The following PGM2L1 variants were observed in gnomAD, a reference collection of about 807,000 sequenced individuals.
PGM2L1 encodes phosphoglucomutase 2 like 1.
Under a neutral mutation model 73.4 loss-of-function variants are expected in PGM2L1, and 35 were observed. The observed-to-expected ratio is 0.48, with a 90% CI of 0.36 to 0.63. The LOEUF is 0.63. Ranked by LOEUF, PGM2L1 falls within the 30% of genes least tolerant of loss-of-function variation. PGM2L1 has a pLI of 0.00. For missense variants in PGM2L1, 570 were observed against 742.0 expected, an observed-to-expected ratio of 0.77 and a Z score of 2.69; for synonymous variants, 225 against 253.8, an observed-to-expected ratio of 0.89 and a Z score of 1.08.
rs1476210356 is a variant in PGM2L1 at position 74,332,473 on chromosome 11, A to AT, written c.*4178dup. ...TGTAGTTTATGACTAAGCTTAAAGC[A>AT]TTCTGAATGAATACAGTTGAGATTT... On this transcript the variant is annotated 3_prime_UTR_variant, in exon 14 of 14. Transcript: ENST00000298198. The AT allele has an allele frequency of 6.5e-6, 1 of 152,674 alleles. No homozygotes were observed. The highest frequency in any genetic ancestry group is 2.4e-5 in the African/African-American group (1 of 41,474). 9.5% of individuals were successfully genotyped at this position (152,674 alleles called of 1,614,324 possible). A position where few individuals can be genotyped will look rare whatever the true frequency, so the allele number is the denominator to read the frequency against.
intron 5 of PGM2L1, among the ~76,000 whole-genome samples, chr11:74,367,012 G>C (rs1031593641): frequency 7.3e-4 from 111 of 152,280 alleles, no homozygotes; most frequent in African/African-American, 2.5e-3. Context: ...GATTGGTAGA[G>C]GATATGGGCA....
At chr11:74,396,086 T>TA (rs560577211) in intron 1 of PGM2L1, among the ~76,000 whole-genome samples, 1,978 of 146,226 alleles carry the variant, frequency 0.014, 27 homozygotes, top group Middle Eastern at 0.036. Flanking sequence ...ACCCCATTTC[T>TA]AAAAAAAAAA....
chr11:74,361,286 AG>A, intron 5 of PGM2L1, among the ~76,000 whole-genome samples: 1 of 152,328 alleles, frequency 6.6e-6, no homozygotes, highest in African/African-American at 2.4e-5. Context: ...CCAGGCAAAC[AG>A]GGTCTGGAGT....
chr11:74,350,002 G>A (rs571684041), intron 6 of PGM2L1, among the ~76,000 whole-genome samples: 1 of 152,122 alleles, frequency 6.6e-6, no homozygotes, highest in African/African-American at 2.4e-5. Flanking sequence ...ATTCTTCTCT[G>A]TGTAATTATG....
chr11:74,398,331 G>A lies in PGM2L1; in HGVS notation c.-170C>T. ...TCCTGCCGCGGCGTCAGGGAACCGG[G>A]AGAGAGGGGGTTTATGGCCGCCTGC... On this transcript the variant is annotated 5_prime_UTR_variant, in exon 1 of 14. Transcript: ENST00000298198. 1 of 1,084,244 alleles carries A rather than the reference G, an allele frequency of 9.2e-7. No individual in the cohort carries two copies. Among genetic ancestry groups the A allele is most frequent in the Admixed American group, 3.4e-5 (1 of 29,348 alleles). 67.2% of individuals were successfully genotyped at this position (1,084,244 alleles called of 1,614,324 possible).
chr11:74,365,834 C>T (rs1274409609), intron 5 of PGM2L1, among the ~76,000 whole-genome samples: 1 of 152,162 alleles, frequency 6.6e-6, no homozygotes, highest in African/African-American at 2.4e-5. Context: ...ACTAGAAATA[C>T]CATTTGACCC....
In PGM2L1 at chr11:74,336,558, TAG is replaced by T; in HGVS notation, c.*92_*93del. ...GAAAAAGATACTCGGCCAGATGAGA[TAG>T]AGAGAGAATGCTAACACAAGGTTCA... On this transcript the variant is annotated 3_prime_UTR_variant, in exon 14 of 14. Coordinates refer to ENST00000298198, the MANE Select transcript of PGM2L1 (RefSeq NM_173582.6). The T allele has an allele frequency of 1.4e-6, 1 of 711,328 alleles. No individual in the cohort carries two copies. The highest frequency in any genetic ancestry group is 2.2e-6 in the Non-Finnish European group (1 of 452,334). The allele number at this position is 711,328 out of a possible 1,614,324, so 44.1% of individuals were successfully genotyped here. A position where few individuals can be genotyped will look rare whatever the true frequency, so the allele number is the denominator to read the frequency against.
chr11:74,360,272 A>AGAAGGAAG (rs57064480), intron 5 of PGM2L1, among the ~76,000 whole-genome samples: 2 of 143,588 alleles, frequency 1.4e-5, no homozygotes, highest in Non-Finnish European at 1.5e-5. Flanking sequence ...AAAGAGAAAG[A>AGAAGGAAG]GAAGGAAGGA....
chr11:74,389,945 T>TA (rs1322991811), intron 1 of PGM2L1, among the ~76,000 whole-genome samples: 1 of 1,606 alleles, frequency 6.2e-4, no homozygotes, highest in African/African-American at 4.0e-3. Flanking sequence ...CTACTAAAAA[T>TA]ACAAAAAAAA....
At chr11:74,354,555 A>G in intron 5 of PGM2L1, 1 of 1,160,038 alleles carries the variant, frequency 8.6e-7, no homozygotes, top group South Asian at 1.2e-5. Context: ...GAGCAATGGG[A>G]ATGCTCACGA....
At chr11:74,368,306 T>C (rs1402384495) in intron 5 of PGM2L1, among the ~76,000 whole-genome samples, 186 bp downstream of exon 5, 1 of 152,246 alleles carries the variant, frequency 6.6e-6, no homozygotes, top group Non-Finnish European at 1.5e-5. Context: ...TTTGTAATTG[T>C]ACACATTGAG....
At chr11:74,362,401 C>T (rs186599179) in intron 5 of PGM2L1, among the ~76,000 whole-genome samples, 2 of 152,266 alleles carry the variant, frequency 1.3e-5, no homozygotes, top group African/African-American at 4.8e-5. Context: ...AAGCACTAAA[C>T]ATGGAAAGGA....
rs1035576682 is a variant in PGM2L1, at chr11:74,343,104, T to G, written c.1313-90A>C. 4.5e-5 allele frequency: 66 copies of G among 1,461,180 alleles called. No individual in the cohort carries two copies. The African/African-American group carries it at 9.0e-4, about 20-fold the overall frequency. 90.5% of individuals were successfully genotyped at this position (1,461,180 alleles called of 1,614,324 possible). On this transcript the variant is annotated intron_variant, in intron 10 of 13. Coordinates refer to ENST00000298198, the MANE Select transcript of PGM2L1 (RefSeq NM_173582.6). ...ATTTCTTCAGAAGGACCAGGAAATT[T>G]AAAAGCCTAGTAATAGATGAAACTC...
chr11:74,360,091 T>C (rs747303276), intron 5 of PGM2L1, among the ~76,000 whole-genome samples: 7 of 151,868 alleles, frequency 4.6e-5, no homozygotes, highest in Admixed American at 6.6e-5. Flanking sequence ...TATAAAAAAA[T>C]TAGCTGGGTA....
Position 74,351,547 on chromosome 11 carries a change from T to TAAAGTG in PGM2L1, c.584_585insCACTTT (p.Thr195_Ser196insThrLeu). 1.9e-6 allele frequency: 3 copies of TAAAGTG among 1,611,226 alleles called. No homozygotes were observed. Among genetic ancestry groups the TAAAGTG allele is most frequent in the Non-Finnish European group, 2.5e-6 (3 of 1,179,092 alleles). On this transcript the variant is annotated inframe_insertion, in exon 6 of 14. Coordinates refer to ENST00000298198, the MANE Select transcript of PGM2L1 (RefSeq NM_173582.6). ...TTAGAATTTCTTTATCATGAGGAGA[T>TAAAGTG]GTGATCTGAGCACCAGTTTCCCAGT... is the stretch of plus-strand genomic sequence containing the variant.
At chr11:74,358,271 TG>T (rs1035641209) in intron 5 of PGM2L1, among the ~76,000 whole-genome samples, 1 of 152,168 alleles carries the variant, frequency 6.6e-6, no homozygotes, top group African/African-American at 2.4e-5. Flanking sequence ...GGGAAATCTC[TG>T]AACCCTCCAC....
At chr11:74,355,575 AAAAAT>A in intron 5 of PGM2L1, 3 of 235,238 alleles carry the variant, frequency 1.3e-5, no homozygotes, top group African/African-American at 2.8e-5. Flanking sequence ...AAAAAAAAAA[AAAAAT>A]TTGGATCCAT....
Position 74,336,385 on chromosome 11 carries a change from A to G in PGM2L1, c.*267T>C, listed in dbSNP as rs1355063831. On this transcript the variant is annotated 3_prime_UTR_variant, in exon 14 of 14. Coordinates refer to ENST00000298198, the MANE Select transcript of PGM2L1 (RefSeq NM_173582.6). ...TGAATTGTGATGTTTCTGTTAACGG[A>G]AGGACAATACGTTACTATAATACTT... The G allele has an allele frequency of 4.5e-6, 1 of 223,748 alleles. No homozygotes were observed. The highest frequency in any genetic ancestry group is 2.3e-5 in the African/African-American group (1 of 43,936). The allele number at this position is 223,748 out of a possible 1,614,324, so 13.9% of individuals were successfully genotyped here.
At chr11:74,365,417 A>C (rs975448954) in intron 5 of PGM2L1, among the ~76,000 whole-genome samples, 55 of 152,068 alleles carry the variant, frequency 3.6e-4, no homozygotes, top group Non-Finnish European at 5.9e-4. Context: ...CTACCATCAG[A>C]GTGAACAGGC....
Sources: allele counts gnomAD v4.1 joint callset (sites outside exome capture counted in the v4.1 genomes callset), GRCh38; gene constraint gnomAD v4.1.1; transcripts MANE v1.5; gene names NCBI Gene and HGNC (gene_info 2026-07-23, HGNC 2026-07-21).